DMD: variants seen among roughly 807,000 people sequenced by gnomAD.
DMD encodes dystrophin.
DMD carries 63 observed loss-of-function variants against 330.1 expected under a neutral mutation model. The observed-to-expected ratio is 0.19, with a 90% CI of 0.16 to 0.24. The LOEUF (loss-of-function observed/expected upper bound fraction) is 0.24, where lower values mean the gene tolerates loss of function less well. Ranked by LOEUF, DMD falls within the 10% of genes least tolerant of loss-of-function variation. The pLI, the probability that DMD is intolerant of heterozygous loss-of-function variation, is 1.00. For missense variants in DMD, 3,344 were observed against 2,684.1 expected, an observed-to-expected ratio of 1.25 and a Z score of -5.43; for synonymous variants, 1,223 against 959.8, an observed-to-expected ratio of 1.27 and a Z score of -5.07.
At chrX:33,293,114 T>G (rs1039612973) in intron 1 of DMD, among the ~76,000 whole-genome samples, 1 of 111,610 alleles carries the variant, frequency 9.0e-6, no homozygotes, top group Non-Finnish European at 1.9e-5. Context: ...AATCATATTC[T>G]TTAAATATTT....
chrX:31,569,408 C>G (rs1326135714), intron 55 of DMD, among the ~76,000 whole-genome samples: 1 of 108,002 alleles, frequency 9.3e-6, no homozygotes, highest in Admixed American at 1.0e-4. Flanking sequence ...GTTTAAAAGT[C>G]AATTTGTGGA....
At chrX:31,581,683 G>A (rs1181391423) in intron 55 of DMD, among the ~76,000 whole-genome samples, 2 of 111,893 alleles carry the variant, frequency 1.8e-5, no homozygotes, top group African/African-American at 3.2e-5. Context: ...AGTTTATTTT[G>A]CTTCATCTAT....
intron 1 of DMD, among the ~76,000 whole-genome samples, chrX:33,177,884 T>G (rs2049761143): frequency 8.9e-6 from 1 of 112,144 alleles, no homozygotes; most frequent in Non-Finnish European, 1.9e-5. Context: ...ATTAAAAATG[T>G]ATCTGAATTT....
intron 1 of DMD, among the ~76,000 whole-genome samples, chrX:33,226,946 G>A (rs1413591209): frequency 9.1e-6 from 1 of 109,642 alleles, no homozygotes; most frequent in Non-Finnish European, 1.9e-5. Context: ...TCAATGTCAT[G>A]TTTAACACTG....
At chrX:32,974,828 T>A (rs2092491586) in intron 2 of DMD, among the ~76,000 whole-genome samples, 1 of 111,864 alleles carries the variant, frequency 8.9e-6, no homozygotes, top group African/African-American at 3.2e-5. Context: ...ATGACTTCCT[T>A]TCATCTTGGT....
At chrX:31,451,180 A>C (rs1405165917) in intron 59 of DMD, among the ~76,000 whole-genome samples, 1 of 67,829 alleles carries the variant, frequency 1.5e-5, no homozygotes, top group Non-Finnish European at 2.8e-5. Context: ...TTTATACAGG[A>C]GACTTCTTTC....
intron 42 of DMD, among the ~76,000 whole-genome samples, chrX:32,300,125 A>G (rs959479441): frequency 8.9e-6 from 1 of 112,006 alleles, no homozygotes; most frequent in African/African-American, 3.2e-5. Flanking sequence ...CACTTGTAGC[A>G]TTAATAAATA....
At chrX:33,018,371 A>T (rs2093845179) in intron 2 of DMD, among the ~76,000 whole-genome samples, 2 of 111,840 alleles carry the variant, frequency 1.8e-5, no homozygotes, top group Admixed American at 1.9e-4. Flanking sequence ...TGAATATTTT[A>T]CAGTTTTAAG....
chrX:31,848,525 GT>G (rs1248290221), intron 48 of DMD, among the ~76,000 whole-genome samples: 10 of 109,594 alleles, frequency 9.1e-5, no homozygotes, highest in Non-Finnish European at 1.7e-4. Flanking sequence ...TTCCATTAAG[GT>G]TTTTTTTTCC....
intron 2 of DMD, among the ~76,000 whole-genome samples, chrX:32,860,999 TATG>T (rs2082036091): frequency 8.9e-6 from 1 of 112,071 alleles, no homozygotes; most frequent in Non-Finnish European, 1.9e-5. Flanking sequence ...GGGGGAATGG[TATG>T]ATGCCATGAA....
At chrX:32,733,676 T>C (rs1603302476) in intron 7 of DMD, among the ~76,000 whole-genome samples, 1 of 111,083 alleles carries the variant, frequency 9.0e-6, no homozygotes, top group Non-Finnish European at 1.9e-5. Flanking sequence ...GGGTGCATAA[T>C]GAAATGAAGG....
At chrX:31,673,702 A>G (rs1231799989) in intron 53 of DMD, among the ~76,000 whole-genome samples, 1 of 112,382 alleles carries the variant, frequency 8.9e-6, no homozygotes, top group Admixed American at 9.5e-5. Flanking sequence ...TTATATTTTC[A>G]AGCACGGGAT....
intron 2 of DMD, among the ~76,000 whole-genome samples, chrX:33,014,580 A>G (rs1313203899): frequency 1.8e-5 from 2 of 111,661 alleles, no homozygotes; most frequent in African/African-American, 6.5e-5. Context: ...ATGGCTTATT[A>G]CAAACTAGGT....
chrX:31,345,273 G>C (rs1040227504), intron 61 of DMD, among the ~76,000 whole-genome samples: 2 of 111,383 alleles, frequency 1.8e-5, no homozygotes, highest in Admixed American at 9.6e-5. Context: ...AGTGGGCACT[G>C]ATGTGATATG....
In DMD at chrX:32,901,037, T is replaced by TA. The variant is rs768364034; in HGVS notation, c.94-51218dup. On this transcript the variant is annotated intron_variant, in intron 2 of 78. Coordinates refer to ENST00000357033, the MANE Select transcript of DMD (RefSeq NM_004006.3). Reference sequence around the variant, plus strand: ...AAAGATGAAAATATGTTTGGTATACTAAAAAAAATCTAATCTGTAATGTAG... The same window carrying TA: ...AAAGATGAAAATATGTTTGGTATACTAAAAAAAAATCTAATCTGTAATGTAG... Among the ~76,000 whole-genome samples the TA allele has an allele frequency of 1.1e-4, 12 of 111,077 alleles. No individual in the cohort carries two copies. The South Asian group carries it at 1.5e-3, about 14-fold the overall frequency.
chrX:32,139,491 A>G (rs1219846048), intron 44 of DMD, among the ~76,000 whole-genome samples: 1 of 112,466 alleles, frequency 8.9e-6, no homozygotes, highest in Non-Finnish European at 1.9e-5. Flanking sequence ...CCTTTAAGTT[A>G]CTTTGTGGTG....
chrX:32,474,204 T>TACACACACAC (rs1389594342), intron 21 of DMD, among the ~76,000 whole-genome samples: 36 of 37,659 alleles, frequency 9.6e-4, no homozygotes, highest in African/African-American at 1.6e-3. Context: ...TATACATACA[T>TACACACACAC]ACATACACAC....
Position 32,016,406 on chromosome X carries a change from T to G in DMD, c.6439-47892A>C, listed in dbSNP as rs1295302028. On this transcript the variant is annotated intron_variant, in intron 44 of 78. Coordinates refer to ENST00000357033, the MANE Select transcript of DMD (RefSeq NM_004006.3). Reference sequence around the variant, plus strand: ...TGGTCATGCTGCCTAGTTCTTGGAGTGCATTTCCGTCATGGTACTCATTAC... The same window carrying G: ...TGGTCATGCTGCCTAGTTCTTGGAGGGCATTTCCGTCATGGTACTCATTAC... 1.1e-4 allele frequency among the ~76,000 whole-genome samples: 12 copies of G among 111,460 alleles called. No individual in the cohort carries two copies. In the Admixed American group the frequency reaches 1.1e-3, roughly 11 times the overall value.
In DMD at chrX:31,250,583, G is replaced by A. The variant is rs192629460; in HGVS notation, c.9286+10372C>T. Among the ~76,000 whole-genome samples the A allele has an allele frequency of 1.6e-4, 18 of 112,209 alleles. No homozygotes were observed. In the East Asian group the frequency reaches 2.8e-3, roughly 17 times the overall value. On this transcript the variant is annotated intron_variant, in intron 63 of 78. Transcript: ENST00000357033. ...CAAAATATGGTCTTTCACAAGCATAGATATGGACAGTGTGTTAAGTAACTT... is the reference window on the plus strand; with the variant it reads ...CAAAATATGGTCTTTCACAAGCATAAATATGGACAGTGTGTTAAGTAACTT...
Sources: gnomAD v4.1 joint callset for allele counts (sites outside exome capture counted in the v4.1 genomes callset) on GRCh38, gnomAD v4.1.1 for gene constraint, MANE v1.5 for transcripts, NCBI Gene and HGNC (gene_info 2026-07-23, HGNC 2026-07-21) for gene names.